Variants in GTF2E2 observed in about 807,000 individuals in gnomAD.
GTF2E2 encodes the protein transcription initiation factor IIE subunit beta.
Under a neutral mutation model 40.5 loss-of-function variants are expected in GTF2E2, and 21 were observed. That is an observed-to-expected ratio of 0.52 (90% CI 0.37 to 0.75). The LOEUF (loss-of-function observed/expected upper bound fraction) is 0.75, where lower values mean the gene tolerates loss of function less well. Ranked by LOEUF, GTF2E2 falls within the 30% of genes least tolerant of loss-of-function variation. The probability of loss-of-function intolerance (pLI) is 0.00; values close to 1 mark genes in which losing one functional copy is unlikely to be tolerated. For synonymous variants in GTF2E2, 117 were observed against 121.6 expected, an observed-to-expected ratio of 0.96 and a Z score of 0.25; for missense variants, 298 against 338.4, an observed-to-expected ratio of 0.88 and a Z score of 0.94.
intron 3 of GTF2E2, among the ~76,000 whole-genome samples, chr8:30,628,622 T>A (rs1477076366): frequency 6.6e-6 from 1 of 152,214 alleles, no homozygotes; most frequent in Admixed American, 6.5e-5. Flanking sequence ...CAAGTTTTTA[T>A]AATAAATTGG....
chr8:30,656,202 C>T (rs1563515204), intron 1 of GTF2E2, among the ~76,000 whole-genome samples: 1 of 152,214 alleles, frequency 6.6e-6, no homozygotes, highest in Non-Finnish European at 1.5e-5. Flanking sequence ...GCTATGAAAG[C>T]TGTCCACATC....
chr8:30,617,137 T>C (rs1489579895), intron 3 of GTF2E2, among the ~76,000 whole-genome samples: 1 of 151,788 alleles, frequency 6.6e-6, no homozygotes, highest in Admixed American at 6.6e-5. Context: ...AAACCCAAGC[T>C]CCAAGTTCCC....
rs1378703904 is a variant in GTF2E2 at position 30,640,154 on chromosome 8, T to C, written c.167-5031A>G. Among the ~76,000 whole-genome samples the C allele has an allele frequency of 3.3e-5, 5 of 152,186 alleles. No individual in the cohort carries two copies. In the East Asian group the frequency reaches 7.7e-4, roughly 23 times the overall value. Reference sequence around the variant, plus strand: ...TGTTTCACCAAACTGACTGGAGACATGGCCTAAGTTCCAGAGCTTAAATTA... The same window carrying C: ...TGTTTCACCAAACTGACTGGAGACACGGCCTAAGTTCCAGAGCTTAAATTA... On this transcript the variant is annotated intron_variant, in intron 2 of 7. Coordinates refer to ENST00000355904, the MANE Select transcript of GTF2E2 (RefSeq NM_002095.6).
intron 6 of GTF2E2, among the ~76,000 whole-genome samples, chr8:30,590,059 T>C (rs1348858554): frequency 6.6e-6 from 1 of 152,238 alleles, no homozygotes; most frequent in Non-Finnish European, 1.5e-5. Flanking sequence ...ATGATAATGA[T>C]ATAGACAGTT....
At chr8:30,611,864 T>A (rs973901970) in intron 5 of GTF2E2, among the ~76,000 whole-genome samples, 1 of 152,336 alleles carries the variant, frequency 6.6e-6, no homozygotes, top group Middle Eastern at 3.4e-3. Flanking sequence ...GTCATCTGTA[T>A]CAGTAGGACT....
intron 5 of GTF2E2, 69 bp downstream of exon 5, chr8:30,612,230 T>C (rs1829495430): frequency 2.0e-6 from 2 of 989,714 alleles, no homozygotes; most frequent in Admixed American, 2.2e-5. Flanking sequence ...AAATGTTTGA[T>C]ATTTTTAAAA....
intron 3 of GTF2E2, among the ~76,000 whole-genome samples, chr8:30,632,343 T>G (rs1239060247): frequency 6.6e-6 from 1 of 152,216 alleles, no homozygotes; most frequent in Non-Finnish European, 1.5e-5. Flanking sequence ...GGTTTTCATA[T>G]TATCCAAAAT....
intron 5 of GTF2E2, among the ~76,000 whole-genome samples, chr8:30,607,800 A>G (rs1478709304): frequency 6.6e-6 from 1 of 152,120 alleles, no homozygotes. Context: ...CTTTTCCTCT[A>G]CCTTGAGATA....
intron 6 of GTF2E2, among the ~76,000 whole-genome samples, chr8:30,602,120 C>A (rs1829197399): frequency 6.6e-6 from 1 of 151,698 alleles, no homozygotes; most frequent in African/African-American, 2.4e-5. Context: ...CAGGTTCATG[C>A]GATTCTTGTG....
intron 3 of GTF2E2, among the ~76,000 whole-genome samples, chr8:30,631,047 C>T (rs1024413391): frequency 2.0e-5 from 3 of 151,774 alleles, no homozygotes; most frequent in Non-Finnish European, 4.4e-5. Flanking sequence ...TTTTTATTAG[C>T]GACAAGGTCT....
At chr8:30,589,955 T>C (rs1828795923) in intron 6 of GTF2E2, among the ~76,000 whole-genome samples, 1 of 152,208 alleles carries the variant, frequency 6.6e-6, no homozygotes, top group South Asian at 2.1e-4. Context: ...TCCTTTTATT[T>C]TACTAAGGTA....
intron 5 of GTF2E2, among the ~76,000 whole-genome samples, chr8:30,610,804 A>G (rs556917717): frequency 6.6e-6 from 1 of 152,358 alleles, no homozygotes; most frequent in Non-Finnish European, 1.5e-5. Flanking sequence ...AGGCACAGGC[A>G]ACAAAATCAA....
Position 30,589,724 on chromosome 8 carries a change from A to C in GTF2E2, c.644-9328T>G, listed in dbSNP as rs6988378. 3.3e-3 allele frequency among the ~76,000 whole-genome samples: 508 copies of C among 152,280 alleles called. 7 individuals carry two copies. Among genetic ancestry groups the C allele is most frequent in the African/African-American group, 0.012 (502 of 41,552 alleles). ...GTAAAGAACAGGCATCGTCTGCCCA[A>C]ATCTGTGCAGCAGAGGCTGGACAGA... On this transcript the variant is annotated intron_variant, in intron 6 of 7. Coordinates refer to ENST00000355904, the MANE Select transcript of GTF2E2 (RefSeq NM_002095.6).
intron 3 of GTF2E2, among the ~76,000 whole-genome samples, chr8:30,633,002 A>G (rs893381629): frequency 3.9e-5 from 6 of 152,196 alleles, no homozygotes; most frequent in Non-Finnish European, 1.5e-5. Flanking sequence ...GAGAGGAGAC[A>G]GCTGCATTCA....
chr8:30,586,333 A>G (rs1057289858), intron 6 of GTF2E2, among the ~76,000 whole-genome samples: 1 of 152,180 alleles, frequency 6.6e-6, no homozygotes, highest in Non-Finnish European at 1.5e-5. Flanking sequence ...AGATGTCCAC[A>G]ACGTAATCCC....
rs562435588 is a variant in GTF2E2, at chr8:30,650,833, G to A, written c.166+2600C>T. Among the ~76,000 whole-genome samples, 106 of 152,220 alleles carry A rather than the reference G, an allele frequency of 7.0e-4. 2 individuals carry two copies. Among genetic ancestry groups the A allele is most frequent in the African/African-American group, 2.4e-3 (99 of 41,538 alleles). On this transcript the variant is annotated intron_variant, in intron 2 of 7. Coordinates refer to ENST00000355904, the MANE Select transcript of GTF2E2 (RefSeq NM_002095.6). ...GATCGAGACCATCCTGGCTAACAGT[G>A]TAACCCCATCTCTACTAAAAAGACA...
At chr8:30,649,741 G>C (rs1048522289) in intron 2 of GTF2E2, among the ~76,000 whole-genome samples, 3 of 152,128 alleles carry the variant, frequency 2.0e-5, no homozygotes, top group Non-Finnish European at 4.4e-5. Flanking sequence ...GCTACTCTGG[G>C]GGGCCTGAGA....
At chr8:30,645,211 C>G (rs1802022421) in intron 2 of GTF2E2, 3 of 1,256,946 alleles carry the variant, frequency 2.4e-6, no homozygotes, top group Non-Finnish European at 3.2e-6. Flanking sequence ...ACTAAGAAAT[C>G]TTAGTACTGA....
chr8:30,646,712 T>C lies in GTF2E2; in HGVS notation c.166+6721A>G, dbSNP rs758474864. Among the ~76,000 whole-genome samples the C allele has an allele frequency of 2.2e-4, 34 of 152,180 alleles. 1 individual carries two copies. Among genetic ancestry groups the C allele is most frequent in the Non-Finnish European group, 4.6e-4 (31 of 68,038 alleles). On this transcript the variant is annotated intron_variant, in intron 2 of 7. Transcript: ENST00000355904. ...AAAAGCAACTGAAGGCCAGGCACAG[T>C]GGCTCATGCCTGTCATCCCAGCACT...
Sources: gnomAD v4.1 joint callset for allele counts (sites outside exome capture counted in the v4.1 genomes callset) on GRCh38, gnomAD v4.1.1 for gene constraint, MANE v1.5 for transcripts, NCBI Gene and HGNC (gene_info 2026-07-23, HGNC 2026-07-21) for gene names.